Variants in ZNF516 observed in about 807,000 individuals in gnomAD.
ZNF516 encodes the protein zinc finger protein 516.
ZNF516 carries 19 observed loss-of-function variants against 79.7 expected under a neutral mutation model. That is an observed-to-expected ratio of 0.24 (90% CI 0.17 to 0.35). The LOEUF (loss-of-function observed/expected upper bound fraction) is 0.35, where lower values mean the gene tolerates loss of function less well. Among genes scored for constraint, ZNF516 ranks in the 10% least tolerant of loss-of-function variants. ZNF516 has a pLI of 1.00. For synonymous variants in ZNF516, 877 were observed against 739.5 expected (o/e 1.19, Z -3.02); for missense variants, 1,678 against 1,679.5 (o/e 1.00, Z 0.02).
At chr18:76,427,227 G>A (rs2075607260) in intron 3 of ZNF516, among the ~76,000 whole-genome samples, 1 of 152,152 alleles carries the variant, frequency 6.6e-6, no homozygotes, top group Non-Finnish European at 1.5e-5. Context: ...GAACCATCTT[G>A]AGAAAGTTTA....
Position 76,441,588 on chromosome 18 carries a change from G to T in ZNF516, c.1467C>A (p.Pro489=). ...CCGAGCGGGGATCGAGGTGGCCGGCGGGCGCGGGGTCCCCAGGCCCGCTCG... is the reference window on the plus strand; with the variant it reads ...CCGAGCGGGGATCGAGGTGGCCGGCTGGCGCGGGGTCCCCAGGCCCGCTCG... ...KRASGPGDPA[P]AGHLDPRSAA... Residue 489 remains proline (P), a synonymous_variant, in exon 3 of 7, where the codon CCC becomes CCA. Transcript: ENST00000443185. 1 of 1,436,082 alleles carries T rather than the reference G, an allele frequency of 7.0e-7. No individual in the cohort carries two copies. Among genetic ancestry groups the T allele is most frequent in the Non-Finnish European group, 9.1e-7 (1 of 1,099,200 alleles). The allele number at this position is 1,436,082 out of a possible 1,614,324, so 89.0% of individuals were successfully genotyped here.
rs539926564 is a variant in ZNF516, at chr18:76,404,660, TG to T, written c.1811-24358del. ...GTGAGGATGCATGTGCATGTGTACA[TG>T]GGTGAGCGTGAGTTTGTGCCTGTGA... On this transcript the variant is annotated intron_variant, in intron 3 of 6. Transcript: ENST00000443185. 2.0e-5 allele frequency among the ~76,000 whole-genome samples: 3 copies of T among 152,296 alleles called. 1 individual carries two copies. The South Asian group carries it at 6.2e-4, about 32-fold the overall frequency.
intron 4 of ZNF516, among the ~76,000 whole-genome samples, chr18:76,377,563 G>A (rs1282904600): frequency 3.9e-5 from 6 of 152,250 alleles, no homozygotes; most frequent in Non-Finnish European, 8.8e-5. Flanking sequence ...CTGGGACACT[G>A]TCCCACGGTG....
At chr18:76,436,020 C>T (rs112583603) in intron 3 of ZNF516, among the ~76,000 whole-genome samples, 2,407 of 152,382 alleles carry the variant, frequency 0.016, 29 homozygotes, top group Middle Eastern at 0.041. Flanking sequence ...GTCACCCCTG[C>T]ACTTCAGGAG....
intron 4 of ZNF516, among the ~76,000 whole-genome samples, chr18:76,371,867 G>A (rs1187463779): frequency 6.6e-6 from 1 of 152,224 alleles, no homozygotes; most frequent in Non-Finnish European, 1.5e-5. Context: ...CCGAGCAACT[G>A]CAGGCTGGGC....
At chr18:76,492,943 TCA>T (rs1421504994) in intron 1 of ZNF516, 18 of 985,430 alleles carry the variant, frequency 1.8e-5, no homozygotes, top group East Asian at 1.1e-4. Context: ...TGGCCAGACT[TCA>T]CAGTGTGCAG....
chr18:76,485,916 A>AAAAAAAAATAATAAT (rs1555721331), intron 1 of ZNF516, among the ~76,000 whole-genome samples: 1 of 148,414 alleles, frequency 6.7e-6, no homozygotes, highest in South Asian at 2.1e-4. Context: ...TTTTTGACAA[A>AAAAAAAAATAATAAT]AATAATAATA....
At chr18:76,464,474 GAGTC>G (rs1442331337) in intron 1 of ZNF516, among the ~76,000 whole-genome samples, 3 of 152,254 alleles carry the variant, frequency 2.0e-5, no homozygotes, top group Non-Finnish European at 4.4e-5. Flanking sequence ...GAAACCCCAA[GAGTC>G]ATGGAGACAA....
chr18:76,494,059 C>T (rs1915376476), intron 1 of ZNF516: 1 of 152,216 alleles, frequency 6.6e-6, no homozygotes, highest in Admixed American at 6.5e-5. Flanking sequence ...ATGAGGCTGA[C>T]TTACAGACCC....
chr18:76,384,449 G>A (rs1310177027), intron 3 of ZNF516, among the ~76,000 whole-genome samples: 24 of 85,824 alleles, frequency 2.8e-4, no homozygotes, highest in Non-Finnish European at 4.1e-4. Flanking sequence ...CCCCGTCCAC[G>A]CCCCCCACGC....
At chr18:76,487,864 C>T in intron 1 of ZNF516, 1 of 895,324 alleles carries the variant, frequency 1.1e-6, no homozygotes, top group Non-Finnish European at 1.3e-6. Flanking sequence ...TAATAGGCTG[C>T]TGCCACTACA....
At chr18:76,439,846 T>C (rs1041955760) in intron 3 of ZNF516, among the ~76,000 whole-genome samples, 2 of 151,868 alleles carry the variant, frequency 1.3e-5, no homozygotes, top group Non-Finnish European at 2.9e-5. Flanking sequence ...ACATAACCAG[T>C]AAAATCTGTA....
intron 4 of ZNF516, among the ~76,000 whole-genome samples, chr18:76,372,069 C>A (rs2074717410): frequency 6.6e-6 from 1 of 152,332 alleles, no homozygotes; most frequent in African/African-American, 2.4e-5. Context: ...CTCTCTCCTG[C>A]CTGCCTGGGC....
At chr18:76,395,757 A>G (rs987956261) in intron 3 of ZNF516, among the ~76,000 whole-genome samples, 1 of 151,554 alleles carries the variant, frequency 6.6e-6, no homozygotes, top group African/African-American at 2.4e-5. Flanking sequence ...AGGAAATGAA[A>G]CTCCAAATGA....
In ZNF516 at chr18:76,438,407, C is replaced by T. The variant is rs116098487; in HGVS notation, c.1810+2838G>A. On this transcript the variant is annotated intron_variant, in intron 3 of 6. Coordinates refer to ENST00000443185, the MANE Select transcript of ZNF516 (RefSeq NM_014643.4). The stretch of plus-strand genomic sequence containing the variant: ...ATTTTTACAAACTCCAATTAGATGC[C>T]CTTTCACCCCTCTTTCTTACTAAAA... Among the ~76,000 whole-genome samples the T allele has an allele frequency of 9.7e-3, 1,478 of 152,260 alleles. 30 individuals carry two copies. The highest frequency in any genetic ancestry group is 0.031 in the African/African-American group (1,281 of 41,538).
At chr18:76,465,935 C>T (rs1045320089) in intron 1 of ZNF516, among the ~76,000 whole-genome samples, 3 of 152,130 alleles carry the variant, frequency 2.0e-5, no homozygotes, top group African/African-American at 4.8e-5. Context: ...ACAGCAAAGG[C>T]GAAATCCCAG....
intron 1 of ZNF516, chr18:76,492,788 C>A (rs558162096): frequency 4.1e-6 from 4 of 985,778 alleles, no homozygotes; most frequent in African/African-American, 1.7e-5. Flanking sequence ...TGCTTCTAAA[C>A]CCCATGCTTC....
chr18:76,470,017 G>T (rs1913733898), intron 1 of ZNF516, among the ~76,000 whole-genome samples: 1 of 152,190 alleles, frequency 6.6e-6, no homozygotes, highest in Non-Finnish European at 1.5e-5. Flanking sequence ...TGTTAAAACT[G>T]CATGAAATAT....
rs1276923552 is a variant in ZNF516, at chr18:76,441,779, T to C, written c.1276A>G (p.Lys426Glu). The change falls in exon 3 of 7, where the codon AAG becomes GAG. Residue 426 changes from lysine (K) to glutamate (E), a missense_variant. By Grantham distance (56) the Lys-to-Glu change is moderately conservative. Transcript: ENST00000443185. ...YQAWQLATRG[K>E]VAEPAEYLKY... ...AGGTACTCGGCCGGCTCGGCCACCT[T>C]ACCCCGCGTGGCCAGCTGCCAGGCC... 3 of 1,561,074 alleles carry C rather than the reference T, an allele frequency of 1.9e-6. No homozygotes were observed. Among genetic ancestry groups the C allele is most frequent in the Admixed American group, 1.8e-5 (1 of 54,540 alleles).
Sources: gnomAD v4.1 joint callset for allele counts (sites outside exome capture counted in the v4.1 genomes callset) on GRCh38, gnomAD v4.1.1 for gene constraint, MANE v1.5 for transcripts, NCBI Gene and HGNC (gene_info 2026-07-23, HGNC 2026-07-21) for gene names.